The following FMNL3 variants were observed in gnomAD, a reference collection of about 807,000 sequenced individuals.
FMNL3 encodes the protein formin like 3.
FMNL3 carries 57 observed loss-of-function variants against 119.6 expected under a neutral mutation model. That is an observed-to-expected ratio of 0.48 (90% CI 0.39 to 0.59). The LOEUF (loss-of-function observed/expected upper bound fraction) is 0.59, where lower values mean the gene tolerates loss of function less well. FMNL3 is among the 20% of genes least tolerant of loss of function. FMNL3 has a pLI of 0.00. For missense variants in FMNL3, 1,053 were observed against 1,323.5 expected, an observed-to-expected ratio of 0.80 and a Z score of 3.17; for synonymous variants, 491 against 507.3, an observed-to-expected ratio of 0.97 and a Z score of 0.43.
chr12:49,651,557 ACTCT>A, intron 14 of FMNL3, 107 bp from the exon 15 acceptor site: 1 of 924,984 alleles, frequency 1.1e-6, no homozygotes, highest in Non-Finnish European at 1.5e-6. Context: ...AAAAAAAAAA[ACTCT>A]CAGAGAAGGA....
At chr12:49,659,259 TATAC>T in intron 5 of FMNL3, among the ~76,000 whole-genome samples, 1 of 152,282 alleles carries the variant, frequency 6.6e-6, no homozygotes, top group South Asian at 2.1e-4. Flanking sequence ...GTTTTTCAGG[TATAC>T]AGGCTCCCTG....
chr12:49,666,035 A>G, intron 3 of FMNL3, 92 bp downstream of exon 3: 2 of 1,538,194 alleles, frequency 1.3e-6, no homozygotes, highest in East Asian at 2.3e-5. Context: ...GCTCAGAAAC[A>G]GATGTCCAAT....
intron 4 of FMNL3, among the ~76,000 whole-genome samples, chr12:49,664,613 AG>A: frequency 6.6e-6 from 1 of 152,274 alleles, no homozygotes; most frequent in East Asian, 1.9e-4. Context: ...GACCAAACAA[AG>A]GAAGAGGCTT....
Position 49,665,921 on chromosome 12 carries a change from T to C in FMNL3, c.292-13A>G, listed in dbSNP as rs560833689. On this transcript the variant is annotated splice_polypyrimidine_tract_variant and intron_variant, in intron 3 of 25. Transcript: ENST00000335154. The stretch of plus-strand genomic sequence containing the variant: ...TCCTCCTGAACTTCTGTAAAAAGGG[T>C]AGGAAAGGAAGGGAATACAAGAGGG... 14 of 1,613,594 alleles carry C rather than the reference T, an allele frequency of 8.7e-6. 1 individual carries two copies. The Middle Eastern group carries it at 4.9e-4, about 57-fold the overall frequency.
Position 49,649,527 on chromosome 12 carries a change from G to C in FMNL3, c.2247C>G (p.Ala749=), listed in dbSNP as rs767494449. 32 of 1,614,030 alleles carry C rather than the reference G, an allele frequency of 2.0e-5. No individual in the cohort carries two copies. The highest frequency in any genetic ancestry group is 1.4e-4 in the South Asian group (13 of 91,076). The change falls in exon 19 of 26, where the codon GCC becomes GCG. Residue 749 remains alanine (A), a synonymous_variant. Coordinates refer to ENST00000335154, the MANE Select transcript of FMNL3 (RefSeq NM_175736.5). The surrounding 1 kb of genome is among the most constrained non-coding windows in gnomAD (Gnocchi z 5.6). The part of the protein sequence containing the change: ...NLQMLTPQLN[A]IIAASASVKS... Reference sequence around the variant, plus strand: ...TGACGGAAGCGGACGCCGCAATGATGGCATTGAGTTGCTGTAGGACAATAT... The same window carrying C: ...TGACGGAAGCGGACGCCGCAATGATCGCATTGAGTTGCTGTAGGACAATAT...
intron 1 of FMNL3, among the ~76,000 whole-genome samples, chr12:49,671,307 G>T (rs2138883865): frequency 6.6e-6 from 1 of 152,382 alleles, no homozygotes; most frequent in African/African-American, 2.4e-5. Flanking sequence ...AGGAAGGAAT[G>T]ATCCCAAAGT....
intron 1 of FMNL3, among the ~76,000 whole-genome samples, chr12:49,674,815 G>A (rs1944140310): frequency 6.6e-6 from 1 of 152,164 alleles, no homozygotes; most frequent in Admixed American, 6.5e-5. Context: ...GAAATGACTT[G>A]CTGAGCAGTT....
intron 1 of FMNL3, among the ~76,000 whole-genome samples, chr12:49,680,041 G>T (rs1036683952): frequency 6.6e-6 from 1 of 152,166 alleles, no homozygotes; most frequent in Admixed American, 6.5e-5. Context: ...TCCTGAACTA[G>T]AATATAAGCT....
rs138011638 is a variant in FMNL3, at chr12:49,694,767, C to A, written c.126+12288G>T. ...TCTACTAAAAACTACCAAAAATTAG[C>A]CGGGTATAGTGGCAGGCACCTGTAA... On this transcript the variant is annotated intron_variant, in intron 1 of 25. Transcript: ENST00000335154. 2.1e-3 allele frequency among the ~76,000 whole-genome samples: 314 copies of A among 152,130 alleles called. 1 individual carries two copies. The highest frequency in any genetic ancestry group is 7.3e-3 in the African/African-American group (304 of 41,480).
chr12:49,688,664 T>C (rs1944528371), intron 1 of FMNL3: 1 of 380,988 alleles, frequency 2.6e-6, no homozygotes, highest in Non-Finnish European at 5.2e-6. Context: ...AAGAAGTCCA[T>C]TACAACAGAC....
At chr12:49,648,461 G>A in intron 21 of FMNL3, 108 bp from the exon 22 acceptor site, 1 of 1,197,630 alleles carries the variant, frequency 8.3e-7, no homozygotes, top group Non-Finnish European at 1.1e-6. Context: ...GGCTCACTCA[G>A]GTTCACATAC....
At chr12:49,704,886 T>C (rs1409330929) in intron 1 of FMNL3, among the ~76,000 whole-genome samples, 3 of 152,184 alleles carry the variant, frequency 2.0e-5, no homozygotes, top group African/African-American at 7.2e-5. Flanking sequence ...GTTAAGATAC[T>C]TGCTAAGCCA....
intron 2 of FMNL3, 61 bp from the exon 3 acceptor site, chr12:49,666,268 T>C: frequency 4.1e-6 from 6 of 1,460,776 alleles, no homozygotes; most frequent in Non-Finnish European, 5.7e-6. Context: ...AGGAGGGCAC[T>C]GAGGAAGAAG....
intron 1 of FMNL3, among the ~76,000 whole-genome samples, chr12:49,686,462 C>CA (rs1271103391): frequency 1.3e-5 from 2 of 151,402 alleles, no homozygotes; most frequent in Non-Finnish European, 2.9e-5. Flanking sequence ...CCTGTAGTCC[C>CA]AGCTACTTGG....
At chr12:49,706,895 G>A (rs1945063099) in intron 1 of FMNL3, among the ~76,000 whole-genome samples, 160 bp downstream of exon 1, 1 of 152,248 alleles carries the variant, frequency 6.6e-6, no homozygotes, top group Admixed American at 6.5e-5. Flanking sequence ...GGGCCGGCCA[G>A]CGGCTGCTCA....
chr12:49,654,023 A>G, intron 11 of FMNL3, 149 bp from the exon 12 acceptor site: 1 of 1,292,806 alleles, frequency 7.7e-7, no homozygotes, highest in African/African-American at 1.5e-5. Flanking sequence ...GCCCCCATGG[A>G]GCTGCCTGAC....
At chr12:49,704,710 CAAAAAAAAAAAAAAAA>C (rs59799899) in intron 1 of FMNL3, among the ~76,000 whole-genome samples, 1 of 37,848 alleles carries the variant, frequency 2.6e-5, no homozygotes, top group Non-Finnish European at 7.7e-5. Flanking sequence ...AACTCCATCT[CAAAAAAAAAAAAAAAA>C]AAAAAAAAAA....
rs374310277 is a variant in FMNL3 at position 49,647,927 on chromosome 12, G to A, written c.2677-123C>T. 1,735 of 852,444 alleles carry A rather than the reference G, an allele frequency of 2.0e-3. 18 individuals carry two copies. The highest frequency in any genetic ancestry group is 0.012 in the South Asian group (687 of 57,388). The allele number at this position is 852,444 out of a possible 1,614,324, so 52.8% of individuals were successfully genotyped here. A position where few individuals can be genotyped will look rare whatever the true frequency, so the allele number is the denominator to read the frequency against. On this transcript the variant is annotated intron_variant, in intron 22 of 25. Coordinates refer to ENST00000335154, the MANE Select transcript of FMNL3 (RefSeq NM_175736.5). This position sits in a 1 kb window ranked among gnomAD's most constrained non-coding sequence, Gnocchi z 4.9. ...CAAAGGGAGGAAAACCAAGCACCCAGGCCCCTGTGAGCTGGAGGGAACCTG... is the reference window on the plus strand; with the variant it reads ...CAAAGGGAGGAAAACCAAGCACCCAAGCCCCTGTGAGCTGGAGGGAACCTG...
intron 11 of FMNL3, 85 bp from the exon 12 acceptor site, chr12:49,653,959 C>G (rs1302026076): frequency 2.0e-6 from 3 of 1,507,528 alleles, no homozygotes; most frequent in South Asian, 2.5e-5. Context: ...AGTCCTCATC[C>G]CCCTTCGCCA....
Sources: gnomAD v4.1 joint callset for allele counts (sites outside exome capture counted in the v4.1 genomes callset) on GRCh38, gnomAD v4.1.1 for gene constraint, Gnocchi (gnomAD v3.1) non-coding constraint, MANE v1.5 for transcripts, NCBI Gene and HGNC (gene_info 2026-07-23, HGNC 2026-07-21) for gene names.